The following PIK3CA variants were observed in gnomAD, a reference collection of about 807,000 sequenced individuals.
PIK3CA encodes phosphatidylinositol 4,5-bisphosphate 3-kinase catalytic subunit alpha isoform.
Under a neutral mutation model 138.2 loss-of-function variants are expected in PIK3CA, and 27 were observed. The observed-to-expected ratio is 0.20, with a 90% CI of 0.14 to 0.27. The LOEUF (loss-of-function observed/expected upper bound fraction) is 0.27, where lower values mean the gene tolerates loss of function less well. Among genes scored for constraint, PIK3CA ranks in the 10% least tolerant of loss-of-function variants. The pLI, the probability that PIK3CA is intolerant of heterozygous loss-of-function variation, is 1.00. For missense variants in PIK3CA, 544 were observed against 1,277.4 expected (o/e 0.43, Z 8.75); for synonymous variants, 358 against 413.2 (o/e 0.87, Z 1.62).
chr3:179,233,100 C>T (rs1297214233), intron 20 of PIK3CA, among the ~76,000 whole-genome samples: 2 of 152,090 alleles, frequency 1.3e-5, no homozygotes, highest in African/African-American at 4.8e-5. Context: ...CTCGGGTGAT[C>T]CTCCTGCCTC....
chr3:179,209,501 G>A (rs1259124727), intron 6 of PIK3CA, 94 bp from the exon 7 acceptor site: 4 of 659,708 alleles, frequency 6.1e-6, no homozygotes, highest in Non-Finnish European at 1.0e-5. Flanking sequence ...TTTTCGTTTG[G>A]TTGATCTTTG....
Position 179,239,356 on chromosome 3 carries a change from C to T in PIK3CA, c.*4992C>T. ...TCTAGGTTGGCAAGGAGGCAGAAAA[C>T]CTTCATTGTTTCATATTAAAATATA... On this transcript the variant is annotated 3_prime_UTR_variant, in exon 21 of 21. Transcript: ENST00000263967. The T allele has an allele frequency of 5.0e-6, 1 of 199,748 alleles. No homozygotes were observed. The highest frequency in any genetic ancestry group is 1.0e-5 in the Non-Finnish European group (1 of 96,820). 12.4% of individuals were successfully genotyped at this position (199,748 alleles called of 1,614,324 possible). A position where few individuals can be genotyped will look rare whatever the true frequency, so the allele number is the denominator to read the frequency against.
chr3:179,190,967 G>A (rs968645719), intron 1 of PIK3CA, among the ~76,000 whole-genome samples: 1 of 152,212 alleles, frequency 6.6e-6, no homozygotes, highest in Non-Finnish European at 1.5e-5. Context: ...GTAGCCCTCA[G>A]AAGAATAGGT....
intron 1 of PIK3CA, among the ~76,000 whole-genome samples, chr3:179,150,170 CGT>C (rs35995073): frequency 0.11 from 16,113 of 146,942 alleles, 1,164 homozygotes; most frequent in Middle Eastern, 0.24. Context: ...TGTGTGTTTA[CGT>C]GTGTGTGTGT....
In PIK3CA at chr3:179,235,287, GATT is replaced by G. The variant is rs1725311905; in HGVS notation, c.*927_*929del. On this transcript the variant is annotated 3_prime_UTR_variant, in exon 21 of 21. Transcript: ENST00000263967. ...ATAGAAGTATTAATGTTATTAAAAAGATTATTTTTTTTATTAAAGGCTATTTAT... is the reference window on the plus strand; with the variant it reads ...ATAGAAGTATTAATGTTATTAAAAAGATTTTTTTTATTAAAGGCTATTTAT... The G allele has an allele frequency of 2.8e-5, 5 of 178,968 alleles. No homozygotes were observed. The East Asian group carries it at 3.7e-4, about 13-fold the overall frequency. 11.1% of individuals were successfully genotyped at this position (178,968 alleles called of 1,614,324 possible). A position where few individuals can be genotyped will look rare whatever the true frequency, so the allele number is the denominator to read the frequency against.
At chr3:179,163,718 G>A (rs1317470898) in intron 1 of PIK3CA, among the ~76,000 whole-genome samples, 1 of 152,052 alleles carries the variant, frequency 6.6e-6, no homozygotes, top group Non-Finnish European at 1.5e-5. Flanking sequence ...GGAAATGCAG[G>A]TACAAGCATA....
At chr3:179,195,517 C>T (rs1344740164) in intron 1 of PIK3CA, among the ~76,000 whole-genome samples, 1 of 152,036 alleles carries the variant, frequency 6.6e-6, no homozygotes, top group Admixed American at 6.6e-5. Flanking sequence ...AAATGAGATT[C>T]ATTGAGATAA....
intron 1 of PIK3CA, among the ~76,000 whole-genome samples, chr3:179,198,411 G>A (rs917624432): frequency 3.9e-5 from 6 of 152,192 alleles, no homozygotes; most frequent in Non-Finnish European, 8.8e-5. Flanking sequence ...GATATGCAAT[G>A]GGAATTTTGG....
At chr3:179,231,963 ATTCT>A (rs1725223900) in intron 20 of PIK3CA, among the ~76,000 whole-genome samples, 1 of 151,666 alleles carries the variant, frequency 6.6e-6, no homozygotes, top group Admixed American at 6.6e-5. Context: ...TTTTGATGGG[ATTCT>A]TTGTTTCTTG....
chr3:179,168,754 G>T (rs563184082), intron 1 of PIK3CA, among the ~76,000 whole-genome samples: 2 of 152,026 alleles, frequency 1.3e-5, no homozygotes, highest in Non-Finnish European at 2.9e-5. Context: ...TATTGTGTTT[G>T]TTATTCTATT....
chr3:179,212,962 G>A (rs1724753381), intron 9 of PIK3CA, among the ~76,000 whole-genome samples: 1 of 152,120 alleles, frequency 6.6e-6, no homozygotes, highest in Non-Finnish European at 1.5e-5. Flanking sequence ...TTTTTGGGGA[G>A]TCAAAATTTA....
chr3:179,200,988 G>A (rs1196621874), intron 3 of PIK3CA, among the ~76,000 whole-genome samples: 1 of 152,056 alleles, frequency 6.6e-6, no homozygotes. Flanking sequence ...CTATTCATAG[G>A]GGCAGTACCC....
At chr3:179,202,939 G>GTTTTTT (rs372017091) in intron 4 of PIK3CA, among the ~76,000 whole-genome samples, 3 of 119,024 alleles carry the variant, frequency 2.5e-5, no homozygotes, top group African/African-American at 3.3e-5. Flanking sequence ...TGTGATCCTT[G>GTTTTTT]TTTTTTTTTT....
intron 1 of PIK3CA, among the ~76,000 whole-genome samples, chr3:179,154,159 G>A (rs1232203100): frequency 2.0e-5 from 3 of 152,074 alleles, no homozygotes; most frequent in African/African-American, 7.2e-5. Flanking sequence ...AGTTCTTAAA[G>A]TGAAACTGTG....
intron 4 of PIK3CA, among the ~76,000 whole-genome samples, chr3:179,203,183 G>A (rs376277973): frequency 3.2e-4 from 49 of 151,458 alleles, no homozygotes; most frequent in Non-Finnish European, 5.3e-4. Flanking sequence ...CTCGTGATCC[G>A]CCCGCCTCGG....
chr3:179,213,654 T>TAA lies in PIK3CA; in HGVS notation c.1539+3089_1539+3090insAA, dbSNP rs1461830844. 2.0e-3 allele frequency among the ~76,000 whole-genome samples: 299 copies of TAA among 152,368 alleles called. 2 individuals are homozygous for TAA. The highest frequency in any genetic ancestry group is 3.4e-3 in the Middle Eastern group (1 of 294). ...GCATTTTGCCCACAATAGAACTTCT[T>TAA]TCAGATTTGGAGTCAGTCCTCTCAA... On this transcript the variant is annotated intron_variant, in intron 9 of 20. Coordinates refer to ENST00000263967, the MANE Select transcript of PIK3CA (RefSeq NM_006218.4).
At position 179,203,631 on chromosome 3, in the gene PIK3CA, T is replaced by G. The variant is rs200433654; in HGVS notation, c.901T>G (p.Cys301Gly). 20 of 1,614,038 alleles carry G rather than the reference T, an allele frequency of 1.2e-5. No homozygotes were observed. Among genetic ancestry groups the G allele is most frequent in the Non-Finnish European group, 1.7e-5 (20 of 1,179,958 alleles). The change falls in exon 5 of 21, where the codon TGT (cysteine) becomes GGT (glycine). Residue 301 changes from cysteine (C) to glycine (G), a missense_variant. Around this residue, in one of 14 missense-constraint regions of PIK3CA, gnomAD observed 234 missense variants for 401.3 expected, o/e 0.58. Transcript: ENST00000263967. ...ESLYSQLPMD[C>G]FTMPSYSRRI... The stretch of plus-strand genomic sequence containing the variant: ...CCTTTATTCTCAACTGCCAATGGAC[T>G]GTTTTACAATGCCATCTTATTCCAG...
chr3:179,181,143 T>C (rs902876250), intron 1 of PIK3CA, among the ~76,000 whole-genome samples: 4 of 152,106 alleles, frequency 2.6e-5, no homozygotes, highest in Non-Finnish European at 2.9e-5. Flanking sequence ...ACACCAGATA[T>C]GGAGAGTAGT....
At chr3:179,191,937 C>T (rs1724147487) in intron 1 of PIK3CA, among the ~76,000 whole-genome samples, 1 of 152,078 alleles carries the variant, frequency 6.6e-6, no homozygotes, top group South Asian at 2.1e-4. Context: ...CACGCCTGGC[C>T]TAAAAACATA....
Sources: gnomAD v4.1 joint callset for allele counts (sites outside exome capture counted in the v4.1 genomes callset) on GRCh38, gnomAD v4.1.1 for gene constraint, gnomAD v4.1.1 regional missense constraint, MANE v1.5 for transcripts, NCBI Gene and HGNC (gene_info 2026-07-23, HGNC 2026-07-21) for gene names.